FAT3: variants seen among roughly 807,000 people sequenced by gnomAD.
FAT3 encodes the protein FAT atypical cadherin 3, also known as protocadherin Fat 3.
Under a neutral mutation model 310.2 loss-of-function variants are expected in FAT3, and 95 were observed. That is an observed-to-expected ratio of 0.31 (90% CI 0.26 to 0.36). FAT3 has a LOEUF of 0.36. Ranked by LOEUF, FAT3 falls within the 10% of genes least tolerant of loss-of-function variation. The pLI is 1.00. For missense variants in FAT3, 5,408 were observed against 5,715.6 expected (o/e 0.95, Z 1.74); for synonymous variants, 2,314 against 2,192.9 (o/e 1.06, Z -1.54).
At chr11:92,624,932 C>T (rs1264529517) in intron 3 of FAT3, among the ~76,000 whole-genome samples, 1 of 152,192 alleles carries the variant, frequency 6.6e-6, no homozygotes, top group Non-Finnish European at 1.5e-5. Flanking sequence ...CTTCACATCA[C>T]CTTCCTCTAT....
intron 3 of FAT3, among the ~76,000 whole-genome samples, chr11:92,687,544 T>TACAGAC (rs1365751516): frequency 1.3e-5 from 2 of 152,226 alleles, no homozygotes; most frequent in African/African-American, 4.8e-5. Flanking sequence ...CAAAGTTGTC[T>TACAGAC]AGGGTGTGTG....
At chr11:92,716,201 A>G (rs1792366) in intron 4 of FAT3, among the ~76,000 whole-genome samples, 88,419 of 151,970 alleles carry the variant, frequency 0.58, 27,765 homozygotes, top group African/African-American at 0.83. Context: ...GGCAAAACTC[A>G]GTGATTGAAT....
intron 4 of FAT3, among the ~76,000 whole-genome samples, chr11:92,729,993 T>A (rs1945130657): frequency 6.6e-6 from 1 of 152,160 alleles, no homozygotes; most frequent in Non-Finnish European, 1.5e-5. Flanking sequence ...TATTTTACTT[T>A]CCTGTTTTCA....
intron 4 of FAT3, among the ~76,000 whole-genome samples, chr11:92,737,179 G>A (rs1945373137): frequency 6.6e-6 from 1 of 152,144 alleles, no homozygotes; most frequent in Non-Finnish European, 1.5e-5. Context: ...AAGATGAAGT[G>A]TACTCTCAGC....
At chr11:92,227,899 G>T (rs1863988993) in intron 1 of FAT3, among the ~76,000 whole-genome samples, 1 of 149,098 alleles carries the variant, frequency 6.7e-6, no homozygotes, top group Non-Finnish European at 1.5e-5. Context: ...ATTTAATAGG[G>T]TTGGAGTGGG....
At chr11:92,239,100 A>C (rs1345095116) in intron 1 of FAT3, among the ~76,000 whole-genome samples, 2 of 152,078 alleles carry the variant, frequency 1.3e-5, no homozygotes, top group Non-Finnish European at 2.9e-5. Context: ...TTCTCTACTA[A>C]AGAAATTGAG....
intron 4 of FAT3, among the ~76,000 whole-genome samples, chr11:92,747,666 G>C (rs1945712900): frequency 6.6e-6 from 1 of 152,160 alleles, no homozygotes; most frequent in East Asian, 1.9e-4. Context: ...TTTATGCTCT[G>C]CTTCCTCTGG....
intron 15 of FAT3, among the ~76,000 whole-genome samples, chr11:92,835,626 A>G (rs1948386295): frequency 6.6e-6 from 1 of 152,174 alleles, no homozygotes; most frequent in African/African-American, 2.4e-5. Context: ...ATAAATCATA[A>G]CATCACTTTG....
At chr11:92,263,547 A>G (rs957541417) in intron 1 of FAT3, among the ~76,000 whole-genome samples, 1 of 151,884 alleles carries the variant, frequency 6.6e-6, no homozygotes, top group East Asian at 1.9e-4. Flanking sequence ...AGGAGATGTG[A>G]ATATTGGATC....
intron 3 of FAT3, among the ~76,000 whole-genome samples, chr11:92,604,836 A>T (rs1226430434): frequency 6.6e-6 from 1 of 152,218 alleles, no homozygotes; most frequent in East Asian, 1.9e-4. Flanking sequence ...AGAATTCAAG[A>T]TCAGGCAGGT....
intron 3 of FAT3, among the ~76,000 whole-genome samples, chr11:92,627,807 T>C (rs531683203): frequency 6.6e-6 from 1 of 152,194 alleles, no homozygotes; most frequent in East Asian, 1.9e-4. Context: ...CATTGATAAA[T>C]AGGGTGATGG....
intron 3 of FAT3, among the ~76,000 whole-genome samples, chr11:92,543,578 G>C (rs1212295896): frequency 6.6e-6 from 1 of 152,122 alleles, no homozygotes; most frequent in Non-Finnish European, 1.5e-5. Context: ...GAGAGGAGTG[G>C]TGGTAAAACT....
At chr11:92,481,894 G>C (rs969226819) in intron 2 of FAT3, among the ~76,000 whole-genome samples, 1 of 152,070 alleles carries the variant, frequency 6.6e-6, no homozygotes, top group African/African-American at 2.4e-5. Context: ...TTATAAAATG[G>C]ATCGATTTTT....
intron 4 of FAT3, among the ~76,000 whole-genome samples, chr11:92,698,874 T>G (rs1483009753): frequency 5.3e-5 from 8 of 152,182 alleles, no homozygotes; most frequent in Non-Finnish European, 1.0e-4. Flanking sequence ...AACCCATTAC[T>G]TCCCAGAAGG....
chr11:92,548,105 C>G (rs2508833), intron 3 of FAT3, among the ~76,000 whole-genome samples: 61,620 of 152,002 alleles, frequency 0.41, 12,946 homozygotes, highest in Middle Eastern at 0.54. Context: ...ATACGCAGAA[C>G]GATCCTGTCT....
intron 1 of FAT3, among the ~76,000 whole-genome samples, chr11:92,322,139 T>C (rs1455184042): frequency 6.6e-6 from 1 of 152,124 alleles, no homozygotes. Flanking sequence ...TTGGAGATAG[T>C]GTGGGTTCAG....
chr11:92,631,456 T>C (rs1321762866), intron 3 of FAT3, among the ~76,000 whole-genome samples: 1 of 151,810 alleles, frequency 6.6e-6, no homozygotes, highest in East Asian at 1.9e-4. Context: ...ATCATGGGGG[T>C]GGTTTTTCCC....
At chr11:92,680,568 T>C (rs1943453637) in intron 3 of FAT3, among the ~76,000 whole-genome samples, 1 of 152,224 alleles carries the variant, frequency 6.6e-6, no homozygotes, top group South Asian at 2.1e-4. Flanking sequence ...TTCTTTTTGC[T>C]TAGGATTGCT....
intron 3 of FAT3, among the ~76,000 whole-genome samples, chr11:92,598,582 TCCTCATTTTATAAA>T (rs960554632): frequency 1.3e-5 from 2 of 152,142 alleles, no homozygotes; most frequent in African/African-American, 4.8e-5. Context: ...GATGCATTTA[TCCTCATTTTATAAA>T]TGTGAATACC....
Sources: allele counts gnomAD v4.1 joint callset (sites outside exome capture counted in the v4.1 genomes callset), GRCh38; gene constraint gnomAD v4.1.1; transcripts MANE v1.5; gene names NCBI Gene and HGNC (gene_info 2026-07-23, HGNC 2026-07-21).